The following CYB5R4 variants were observed in gnomAD, a reference collection of about 807,000 sequenced individuals.
The protein encoded by CYB5R4 is cytochrome b5 reductase 4.
In CYB5R4, 55 loss-of-function variants were observed where a neutral mutation model predicts 70.2. The ratio of observed to expected loss-of-function variants is 0.78; its 90% CI spans 0.63 to 0.98. The LOEUF is 0.98. Among genes scored for constraint, CYB5R4 ranks in the 50% least tolerant of loss-of-function variants. CYB5R4 has a pLI of 0.00. For synonymous variants in CYB5R4, 197 were observed against 199.5 expected, an observed-to-expected ratio of 0.99 and a Z score of 0.11; for missense variants, 562 against 612.6, an observed-to-expected ratio of 0.92 and a Z score of 0.87.
chr6:83,879,183 A>G (rs1350471212), intron 2 of CYB5R4, among the ~76,000 whole-genome samples: 2 of 150,880 alleles, frequency 1.3e-5, no homozygotes, highest in Non-Finnish European at 2.9e-5. Context: ...TCAATGCAGC[A>G]TCTAGAATGC....
rs372918615 is a variant in CYB5R4 at position 83,936,280 on chromosome 6, A to G, written c.1012A>G (p.Lys338Glu). The stretch of plus-strand genomic sequence containing the variant: ...ATCTGGTTCCTTACTCTCAGAGTTC[A>G]AGGAACCAGTTCTTCCCAACAATAA... ...PVSGSLLSEF[K>E]EPVLPNNKYI... Residue 338 changes from lysine to glutamate, a missense_variant, in exon 12 of 16, where the codon AAG (lysine) becomes GAG (glutamate). Transcript: ENST00000369681. 23 of 1,611,740 alleles carry G rather than the reference A, an allele frequency of 1.4e-5. No homozygotes were observed. Among genetic ancestry groups the G allele is most frequent in the Non-Finnish European group, 1.9e-5 (22 of 1,178,832 alleles).
chr6:83,940,022 T>TA (rs772270723), intron 12 of CYB5R4, 34 bp from the exon 13 acceptor site: 1 of 1,470,752 alleles, frequency 6.8e-7, no homozygotes, highest in Non-Finnish European at 9.2e-7. Flanking sequence ...TTTGTTTTTT[T>TA]TTTTTCTGAT....
rs999064968 is a variant in CYB5R4 at position 83,967,346 on chromosome 6, T to A, written c.*7468T>A. On this transcript the variant is annotated 3_prime_UTR_variant, in exon 16 of 16. Coordinates refer to ENST00000369681, the MANE Select transcript of CYB5R4 (RefSeq NM_016230.4). The stretch of plus-strand genomic sequence containing the variant: ...GTATATGCTAAACTATTTCAGTAGT[T>A]TTGGCAGTGGTTGTATTAGTATTGT... 6.6e-6 allele frequency: 1 copy of A among 152,172 alleles called. No homozygotes were observed. Among genetic ancestry groups the A allele is most frequent in the Non-Finnish European group, 1.5e-5 (1 of 68,026 alleles). 9.4% of individuals were successfully genotyped at this position (152,172 alleles called of 1,614,324 possible).
intron 2 of CYB5R4, among the ~76,000 whole-genome samples, chr6:83,892,085 A>G (rs965554759): frequency 2.6e-5 from 4 of 152,216 alleles, no homozygotes; most frequent in Non-Finnish European, 5.9e-5. Context: ...GCATTAAACA[A>G]TGGGAAAAAA....
chr6:83,869,905 C>G (rs1274879241), intron 2 of CYB5R4, among the ~76,000 whole-genome samples: 1 of 151,782 alleles, frequency 6.6e-6, no homozygotes, highest in African/African-American at 2.4e-5. Flanking sequence ...GGTGTTTTTA[C>G]TGTTTAAAAT....
At chr6:83,911,605 A>T (rs563080185) in intron 4 of CYB5R4, among the ~76,000 whole-genome samples, 1 of 152,292 alleles carries the variant, frequency 6.6e-6, no homozygotes, top group South Asian at 2.1e-4. Flanking sequence ...AGGACTCCTG[A>T]CAAATGCCTA....
At chr6:83,944,167 G>A (rs1026532139) in intron 14 of CYB5R4, among the ~76,000 whole-genome samples, 4 of 150,804 alleles carry the variant, frequency 2.7e-5, no homozygotes, top group African/African-American at 9.9e-5. Context: ...GGAAAAAAAT[G>A]TTAAGGGCAG....
chr6:83,894,080 G>T (rs1162099174), intron 3 of CYB5R4, among the ~76,000 whole-genome samples: 1 of 152,194 alleles, frequency 6.6e-6, no homozygotes, highest in Non-Finnish European at 1.5e-5. Flanking sequence ...ATGTCATGTA[G>T]AAAGTTAGCC....
rs572342277 is a variant in CYB5R4, at chr6:83,878,972, C to T, written c.230-14550C>T. On this transcript the variant is annotated intron_variant, in intron 2 of 15. Transcript: ENST00000369681. ...CCCTATATATCTTTGCAGGATCTTTCTCCATTGCTCTTCCCCCTCTCCAAA... is the reference window on the plus strand; with the variant it reads ...CCCTATATATCTTTGCAGGATCTTTTTCCATTGCTCTTCCCCCTCTCCAAA... 6.6e-5 allele frequency among the ~76,000 whole-genome samples: 10 copies of T among 152,230 alleles called. No homozygotes were observed. In the South Asian group the frequency reaches 1.5e-3, roughly 22 times the overall value.
At chr6:83,953,194 G>C (rs759079752) in intron 14 of CYB5R4, among the ~76,000 whole-genome samples, 26 of 152,012 alleles carry the variant, frequency 1.7e-4, no homozygotes, top group Non-Finnish European at 3.5e-4. Flanking sequence ...CATATATAAG[G>C]CTTTCTGAAA....
At chr6:83,902,449 A>G (rs2099463132) in intron 3 of CYB5R4, among the ~76,000 whole-genome samples, 1 of 152,186 alleles carries the variant, frequency 6.6e-6, no homozygotes, top group African/African-American at 2.4e-5. Flanking sequence ...GAAATCAGGT[A>G]GTATGATGTC....
At chr6:83,877,682 C>T in intron 2 of CYB5R4, among the ~76,000 whole-genome samples, 1 of 152,184 alleles carries the variant, frequency 6.6e-6, no homozygotes, top group East Asian at 1.9e-4. Context: ...ATGAACCAGA[C>T]ACCTCCCATT....
chr6:83,897,890 C>T (rs531906711), intron 3 of CYB5R4, among the ~76,000 whole-genome samples: 3 of 152,026 alleles, frequency 2.0e-5, no homozygotes, highest in African/African-American at 2.4e-5. Context: ...GAAGCTCTTT[C>T]GTTTAATTAG....
chr6:83,885,746 A>T (rs1309530986), intron 2 of CYB5R4, among the ~76,000 whole-genome samples: 2 of 152,044 alleles, frequency 1.3e-5, no homozygotes, highest in Non-Finnish European at 2.9e-5. Flanking sequence ...TTCTCTGTGG[A>T]GAGTTGGAAT....
At chr6:83,953,169 T>TTACTCG (rs2099471809) in intron 14 of CYB5R4, among the ~76,000 whole-genome samples, 1 of 152,228 alleles carries the variant, frequency 6.6e-6, no homozygotes, top group South Asian at 2.1e-4. Flanking sequence ...TCCTGAAGAT[T>TTACTCG]TACTCTGAAC....
At chr6:83,946,680 T>G (rs997445306) in intron 14 of CYB5R4, among the ~76,000 whole-genome samples, 1 of 152,230 alleles carries the variant, frequency 6.6e-6, no homozygotes, top group African/African-American at 2.4e-5. Context: ...CCCCATCATC[T>G]CAGCCCAAAA....
rs2099473468 is a variant in CYB5R4, at chr6:83,962,366, AG to A, written c.*2489del. On this transcript the variant is annotated 3_prime_UTR_variant, in exon 16 of 16. Coordinates refer to ENST00000369681, the MANE Select transcript of CYB5R4 (RefSeq NM_016230.4). The stretch of plus-strand genomic sequence containing the variant: ...CAATGAATGCAACCAAATACTGAGG[AG>A]CACAGATAGGAGTATAGTTTATCAC... The A allele has an allele frequency of 6.6e-6, 1 of 152,232 alleles. No individual in the cohort carries two copies. Among genetic ancestry groups the A allele is most frequent in the African/African-American group, 2.4e-5 (1 of 41,464 alleles). The allele number at this position is 152,232 out of a possible 1,614,324, so 9.4% of individuals were successfully genotyped here. A position where few individuals can be genotyped will look rare whatever the true frequency, so the allele number is the denominator to read the frequency against.
chr6:83,920,180 A>C (rs1216819795), intron 7 of CYB5R4, among the ~76,000 whole-genome samples: 1 of 152,180 alleles, frequency 6.6e-6, no homozygotes, highest in African/African-American at 2.4e-5. Context: ...GCAACTGTTG[A>C]GGTTCCCACA....
In CYB5R4 at chr6:83,961,021, A is replaced by C. The variant is rs2099473253; in HGVS notation, c.*1143A>C. ...ATGTTTTCACAGAAATAGGGGATTG[A>C]AAGAGTCTCCAATTTCTCTGTAAAT... is the stretch of plus-strand genomic sequence containing the variant. On this transcript the variant is annotated 3_prime_UTR_variant, in exon 16 of 16. Coordinates refer to ENST00000369681, the MANE Select transcript of CYB5R4 (RefSeq NM_016230.4). The C allele has an allele frequency of 6.6e-6, 1 of 152,224 alleles. No homozygotes were observed. The highest frequency in any genetic ancestry group is 1.5e-5 in the Non-Finnish European group (1 of 68,036). 9.4% of individuals were successfully genotyped at this position (152,224 alleles called of 1,614,324 possible). A position where few individuals can be genotyped will look rare whatever the true frequency, so the allele number is the denominator to read the frequency against.
Sources: allele counts gnomAD v4.1 joint callset (sites outside exome capture counted in the v4.1 genomes callset), GRCh38; gene constraint gnomAD v4.1.1; transcripts MANE v1.5; gene names NCBI Gene and HGNC (gene_info 2026-07-23, HGNC 2026-07-21).